The following AFF2 variants were observed in gnomAD, a reference collection of about 807,000 sequenced individuals.
AFF2 encodes AF4/FMR2 family member 2.
AFF2 carries 14 observed loss-of-function variants against 76.9 expected under a neutral mutation model. That is an observed-to-expected ratio of 0.18 (90% CI 0.12 to 0.28). The LOEUF is 0.28. AFF2 is among the 10% of genes least tolerant of loss of function. The pLI, the probability that AFF2 is intolerant of heterozygous loss-of-function variation, is 1.00. For synonymous variants in AFF2, 398 were observed against 366.7 expected, an observed-to-expected ratio of 1.09 and a Z score of -0.98; for missense variants, 868 against 1,001.1, an observed-to-expected ratio of 0.87 and a Z score of 1.79.
intron 1 of AFF2, among the ~76,000 whole-genome samples, chrX:148,555,939 G>T (rs1248989325): frequency 8.9e-6 from 1 of 112,252 alleles, no homozygotes; most frequent in East Asian, 2.8e-4. Flanking sequence ...CACACGAGGT[G>T]AATTTTCCTA....
intron 1 of AFF2, among the ~76,000 whole-genome samples, chrX:148,516,837 G>T (rs2052540659): frequency 8.9e-6 from 1 of 111,769 alleles, no homozygotes; most frequent in African/African-American, 3.3e-5. Flanking sequence ...CTACTTGGAA[G>T]TTATGAAAAG....
intron 7 of AFF2, among the ~76,000 whole-genome samples, chrX:148,849,101 A>G (rs2070701309): frequency 9.0e-6 from 1 of 111,452 alleles, no homozygotes; most frequent in Non-Finnish European, 1.9e-5. Context: ...GGCATTTGGA[A>G]TGTTTGCATC....
At chrX:148,888,365 T>C (rs917451854) in intron 8 of AFF2, among the ~76,000 whole-genome samples, 2 of 112,457 alleles carry the variant, frequency 1.8e-5, no homozygotes, top group Admixed American at 1.9e-4. Context: ...GTTTTATGGC[T>C]AAGTAGCATT....
intron 1 of AFF2, among the ~76,000 whole-genome samples, chrX:148,550,848 A>C (rs1399708499): frequency 9.0e-6 from 1 of 110,789 alleles, no homozygotes; most frequent in Non-Finnish European, 1.9e-5. Flanking sequence ...TTACAGTTTA[A>C]AGAACATGTA....
At chrX:148,668,621 A>G (rs1289781783) in intron 3 of AFF2, among the ~76,000 whole-genome samples, 2 of 112,343 alleles carry the variant, frequency 1.8e-5, no homozygotes, top group East Asian at 2.8e-4. Context: ...GTTGGGTTCC[A>G]TTCTCTGAAA....
At chrX:148,947,300 TTTGA>T (rs1341080609) in intron 9 of AFF2, among the ~76,000 whole-genome samples, 6 of 111,890 alleles carry the variant, frequency 5.4e-5, no homozygotes, top group Non-Finnish European at 9.4e-5. Flanking sequence ...AGAAAATATA[TTTGA>T]TTGTGACTTG....
intron 3 of AFF2, among the ~76,000 whole-genome samples, chrX:148,803,815 A>G: frequency 9.0e-6 from 1 of 110,644 alleles, no homozygotes; most frequent in Non-Finnish European, 1.9e-5. Context: ...ATAATGAAGC[A>G]TGTCACCCAC....
intron 3 of AFF2, among the ~76,000 whole-genome samples, chrX:148,704,042 C>T (rs1236417465): frequency 9.5e-6 from 1 of 104,761 alleles, no homozygotes; most frequent in African/African-American, 3.5e-5. Context: ...ACTACAGGTG[C>T]ATGCCACCAC....
At chrX:148,793,555 C>T (rs1161649211) in intron 3 of AFF2, among the ~76,000 whole-genome samples, 1 of 111,609 alleles carries the variant, frequency 9.0e-6, no homozygotes. Context: ...GTAGGACTTC[C>T]AATAGAAGAA....
At chrX:148,863,493 T>C (rs145891904) in intron 7 of AFF2, among the ~76,000 whole-genome samples, 11 of 112,068 alleles carry the variant, frequency 9.8e-5, no homozygotes, top group African/African-American at 3.2e-4. Flanking sequence ...TTGCAAAATC[T>C]GGCTGATTGA....
At chrX:148,935,029 G>A (rs1427946783) in intron 9 of AFF2, among the ~76,000 whole-genome samples, 1 of 92,200 alleles carries the variant, frequency 1.1e-5, no homozygotes, top group Non-Finnish European at 2.2e-5. Context: ...AGTGTGTTTA[G>A]GCAAAACAAA....
At chrX:148,860,077 T>C (rs1335319858) in intron 7 of AFF2, among the ~76,000 whole-genome samples, 1 of 112,139 alleles carries the variant, frequency 8.9e-6, no homozygotes, top group Non-Finnish European at 1.9e-5. Context: ...TTGCTTGTCT[T>C]TAATATTAAC....
At chrX:148,648,130 C>T (rs2054161427) in intron 1 of AFF2, among the ~76,000 whole-genome samples, 1 of 112,108 alleles carries the variant, frequency 8.9e-6, no homozygotes. Flanking sequence ...CTTCCTTTGC[C>T]ACTAGCTTGA....
At chrX:148,701,011 A>ACT (rs10675199) in intron 3 of AFF2, among the ~76,000 whole-genome samples, 1 of 61,167 alleles carries the variant, frequency 1.6e-5, no homozygotes, top group Non-Finnish European at 3.2e-5. Flanking sequence ...AGAGAGAGAG[A>ACT]ATGTGTGTGT....
chrX:148,589,983 A>G, intron 1 of AFF2, among the ~76,000 whole-genome samples: 1 of 103,622 alleles, frequency 9.7e-6, no homozygotes, highest in Middle Eastern at 4.8e-3. Context: ...CAGCAAAGAT[A>G]AAGCCCTATT....
intron 3 of AFF2, among the ~76,000 whole-genome samples, chrX:148,699,974 A>G (rs1327079444): frequency 8.9e-6 from 1 of 111,790 alleles, no homozygotes; most frequent in East Asian, 2.8e-4. Context: ...ATTTCACCTG[A>G]AGGTTACATA....
At chrX:148,552,570 G>A (rs1557239096) in intron 1 of AFF2, among the ~76,000 whole-genome samples, 1 of 112,311 alleles carries the variant, frequency 8.9e-6, no homozygotes, top group Non-Finnish European at 1.9e-5. Context: ...GGCAAGCATA[G>A]CAGAGGTATG....
rs918978000 is a variant in AFF2 at position 148,685,578 on chromosome X, G to A, written c.1041+22810G>A. ...GACATTCCCAAATTCTAGAATGGGA[G>A]AGTAATTTCTCAGTGGAGAAATAGC... On this transcript the variant is annotated intron_variant, in intron 3 of 20. Coordinates refer to ENST00000370460, the MANE Select transcript of AFF2 (RefSeq NM_002025.4). Among the ~76,000 whole-genome samples, 3 of 111,609 alleles carry A rather than the reference G, an allele frequency of 2.7e-5. No homozygotes were observed. In the Admixed American group the frequency reaches 2.9e-4, roughly 11 times the overall value.
At chrX:148,967,738 G>A (rs781805604) in intron 15 of AFF2, 46 bp downstream of exon 15, 16 of 1,135,879 alleles carry the variant, frequency 1.4e-5, no homozygotes, top group Admixed American at 7.1e-5. Flanking sequence ...AAGGATTTAT[G>A]TTTCAAAGGA....
Sources: gnomAD v4.1 joint callset for allele counts (sites outside exome capture counted in the v4.1 genomes callset) on GRCh38, gnomAD v4.1.1 for gene constraint, MANE v1.5 for transcripts, NCBI Gene and HGNC (gene_info 2026-07-23, HGNC 2026-07-21) for gene names.